Variants in ZZEF1 observed in about 807,000 individuals in gnomAD.
The protein encoded by ZZEF1 is zinc finger ZZ-type and EF-hand domain-containing protein 1.
Under a neutral mutation model 342.8 loss-of-function variants are expected in ZZEF1, and 157 were observed. The observed-to-expected ratio is 0.46, with a 90% CI of 0.40 to 0.52. ZZEF1 has a LOEUF of 0.52. Among genes scored for constraint, ZZEF1 ranks in the 20% least tolerant of loss-of-function variants. The pLI is 0.00. For synonymous variants in ZZEF1, 1,505 were observed against 1,429.1 expected (o/e 1.05, Z -1.20); for missense variants, 3,480 against 3,725.6 (o/e 0.93, Z 1.72).
At chr17:4,101,027 T>C (rs1168079222) in intron 9 of ZZEF1, among the ~76,000 whole-genome samples, 1 of 151,990 alleles carries the variant, frequency 6.6e-6, no homozygotes, top group Non-Finnish European at 1.5e-5. Flanking sequence ...CCACTTTGGA[T>C]GGCAGGAGCC....
chr17:4,111,479 G>A (rs1370952511), intron 5 of ZZEF1, among the ~76,000 whole-genome samples: 2 of 151,892 alleles, frequency 1.3e-5, no homozygotes, highest in Non-Finnish European at 2.9e-5. Flanking sequence ...CCAACATAGT[G>A]AAACCCCGTC....
chr17:4,015,831 G>A (rs1465141093), intron 49 of ZZEF1, among the ~76,000 whole-genome samples: 1 of 152,238 alleles, frequency 6.6e-6, no homozygotes, highest in Non-Finnish European at 1.5e-5. Context: ...CCCCATTCCT[G>A]CCTCATCAAA....
At chr17:4,009,427 G>T in intron 53 of ZZEF1, 177 bp downstream of exon 53, 2 of 831,944 alleles carry the variant, frequency 2.4e-6, no homozygotes, top group East Asian at 2.6e-5. Flanking sequence ...CTGACCTGAG[G>T]GTTTCCCAGG....
In ZZEF1 at chr17:4,067,240, T is replaced by C; in HGVS notation, c.4078A>G (p.Asn1360Asp). Reference protein sequence around the residue: ...DLYEKLQKYVNSGGKIALSEE... With the variant: ...DLYEKLQKYVDSGGKIALSEE... ...CTCAGGGCTATTTTGCCCCCACTGT[T>C]GACTGGGGAGAGAAGCAGAGATGGA... Residue 1360 changes from asparagine (N) to aspartate (D), a missense_variant and splice_region_variant, in exon 27 of 55, where the codon AAC (asparagine) becomes GAC (aspartate). Asn to Asp is a conservative substitution (Grantham distance 23). Coordinates refer to ENST00000381638, the MANE Select transcript of ZZEF1 (RefSeq NM_015113.4). 6.2e-7 allele frequency: 1 copy of C among 1,612,376 alleles called. No homozygotes were observed. Among genetic ancestry groups the C allele is most frequent in the East Asian group, 2.2e-5 (1 of 44,766 alleles).
chr17:4,086,123 A>G (rs1319553031), intron 15 of ZZEF1, among the ~76,000 whole-genome samples: 1 of 152,348 alleles, frequency 6.6e-6, no homozygotes, highest in African/African-American at 2.4e-5. Context: ...TGAGTGACTT[A>G]GTTGAAGTTA....
intron 14 of ZZEF1, 118 bp from the exon 15 acceptor site, chr17:4,086,773 C>A: frequency 1.1e-6 from 1 of 915,436 alleles, no homozygotes; most frequent in Non-Finnish European, 1.7e-6. Context: ...AAAATAATGC[C>A]AACTGATGCA....
Position 4,105,803 on chromosome 17 carries a change from C to A in ZZEF1, c.1284G>T (p.Ala428=), listed in dbSNP as rs765668581. The A allele has an allele frequency of 1.9e-6, 3 of 1,602,814 alleles. No homozygotes were observed. Among genetic ancestry groups the A allele is most frequent in the South Asian group, 1.1e-5 (1 of 88,946 alleles). The change falls in exon 7 of 55, where the codon GCG becomes GCT. Residue 428 remains alanine, a synonymous_variant. Transcript: ENST00000381638. ...GAGAGAGTGGAGGCATGTGCCGCAG[C>A]GCCTTCCTAGAAGAGGAAAATGTAA... ...VQTVLHNTQK[A]LRHMPPLSLS...
At chr17:4,086,334 ATTCCCACAGCGGCAATCCCTTTCTGGGG>A in intron 15 of ZZEF1, 124 bp downstream of exon 15, 2 of 516,790 alleles carry the variant, frequency 3.9e-6, no homozygotes, top group Admixed American at 3.6e-5. Context: ...TTTCTGGGGG[ATTCCCACAGCGGCAATCCCTTTCTGGGG>A]GATTCCCACA....
intron 11 of ZZEF1, among the ~76,000 whole-genome samples, chr17:4,095,339 A>T (rs1293853336): frequency 6.6e-6 from 1 of 152,250 alleles, no homozygotes; most frequent in Non-Finnish European, 1.5e-5. Context: ...CAGCACATTC[A>T]TAACACTGTT....
At chr17:4,112,108 T>C (rs2058321338) in intron 5 of ZZEF1, among the ~76,000 whole-genome samples, 1 of 122,198 alleles carries the variant, frequency 8.2e-6, no homozygotes, top group South Asian at 2.6e-4. Flanking sequence ...TGTTTTGTTT[T>C]TAATGAAAAA....
intron 23 of ZZEF1, 46 bp from the exon 24 acceptor site, chr17:4,074,397 G>A (rs1480516705): frequency 4.4e-6 from 7 of 1,591,032 alleles, no homozygotes; most frequent in Non-Finnish European, 6.0e-6. Context: ...TAGAGGAGGA[G>A]TGCTTCAGAA....
In ZZEF1 at chr17:4,112,618, T is replaced by C. The variant is rs139668035; in HGVS notation, c.1057A>G (p.Ser353Gly). Residue 353 changes from serine (S) to glycine (G), a missense_variant, in exon 5 of 55, where the codon AGT becomes GGT. Physicochemically the swap from Ser to Gly is moderately conservative, Grantham distance 56. This residue lies in a region of ZZEF1 where 92 missense variants were observed against 130.3 expected (regional missense o/e 0.71). Coordinates refer to ENST00000381638, the MANE Select transcript of ZZEF1 (RefSeq NM_015113.4). ...GTTCTGTTGGACTTACAGAGCTGAC[T>C]GACGTTGGCATTTTCCAGCAGCGTC... ...YVTLLENANV[S>G]QLYVQINIKR... The C allele has an allele frequency of 3.7e-5, 60 of 1,614,050 alleles. No homozygotes were observed. Among genetic ancestry groups the C allele is most frequent in the Non-Finnish European group, 4.9e-5 (58 of 1,180,028 alleles).
intron 4 of ZZEF1, among the ~76,000 whole-genome samples, chr17:4,113,333 T>A (rs1597910927): frequency 6.6e-6 from 1 of 152,214 alleles, no homozygotes; most frequent in Non-Finnish European, 1.5e-5. Flanking sequence ...CCAGGATTCT[T>A]GACCACACTA....
intron 1 of ZZEF1, among the ~76,000 whole-genome samples, chr17:4,133,668 C>T (rs1291581240): frequency 6.6e-6 from 1 of 152,090 alleles, no homozygotes; most frequent in African/African-American, 2.4e-5. Context: ...CTGTGTATTG[C>T]TAATAAAAAT....
chr17:4,119,889 T>C (rs1324826403), intron 2 of ZZEF1, among the ~76,000 whole-genome samples: 1 of 152,152 alleles, frequency 6.6e-6, no homozygotes, highest in African/African-American at 2.4e-5. Flanking sequence ...GAGAGGTGAA[T>C]CGGGAATATC....
chr17:4,031,096 C>A (rs1383172289), intron 42 of ZZEF1, among the ~76,000 whole-genome samples: 1 of 152,114 alleles, frequency 6.6e-6, no homozygotes, highest in African/African-American at 2.4e-5. Flanking sequence ...AGGCAGATCA[C>A]CTGAGGTCAG....
chr17:4,137,406 C>G (rs181098503), intron 1 of ZZEF1, among the ~76,000 whole-genome samples: 1,629 of 152,244 alleles, frequency 0.011, 29 homozygotes, highest in African/African-American at 0.036. Flanking sequence ...GTCAGGAGAT[C>G]GAGACCATCC....
intron 5 of ZZEF1, 76 bp downstream of exon 5, chr17:4,112,533 T>A: frequency 7.0e-7 from 1 of 1,435,920 alleles, no homozygotes; most frequent in Non-Finnish European, 9.7e-7. Context: ...TCTCAAAAAC[T>A]AACAGCCTCT....
At chr17:4,093,535 A>T (rs1037786700) in intron 11 of ZZEF1, among the ~76,000 whole-genome samples, 1 of 152,226 alleles carries the variant, frequency 6.6e-6, no homozygotes, top group African/African-American at 2.4e-5. Flanking sequence ...TATTCGAATT[A>T]TTCTAGATCC....
Sources: allele counts gnomAD v4.1 joint callset (sites outside exome capture counted in the v4.1 genomes callset), GRCh38; gene constraint gnomAD v4.1.1; regional missense constraint gnomAD v4.1.1; transcripts MANE v1.5; gene names NCBI Gene and HGNC (gene_info 2026-07-23, HGNC 2026-07-21).